MIB1: variants seen among roughly 807,000 people sequenced by gnomAD.
The protein encoded by MIB1 is MIB E3 ubiquitin protein ligase 1, also known as E3 ubiquitin-protein ligase MIB1.
MIB1 carries 278 observed loss-of-function variants against 124.5 expected under a neutral mutation model. The ratio of observed to expected loss-of-function variants is 2.23; its 90% CI spans 2.02 to 2.47. The LOEUF (loss-of-function observed/expected upper bound fraction) is 2.47, where lower values mean the gene tolerates loss of function less well. MIB1 is among the 30% of genes most tolerant of loss of function. MIB1 has a pLI of 0.00. For missense variants in MIB1, 957 were observed against 1,254.4 expected, an observed-to-expected ratio of 0.76 and a Z score of 3.58; for synonymous variants, 446 against 429.4, an observed-to-expected ratio of 1.04 and a Z score of -0.48.
At chr18:21,780,703 C>G (rs1035727030) in intron 6 of MIB1, among the ~76,000 whole-genome samples, 1 of 152,226 alleles carries the variant, frequency 6.6e-6, no homozygotes, top group African/African-American at 2.4e-5. Flanking sequence ...CTCCCCTGGC[C>G]TCCCAAAGTG....
chr18:21,729,983 A>G (rs1026517327), intron 1 of MIB1, among the ~76,000 whole-genome samples: 2 of 152,228 alleles, frequency 1.3e-5, no homozygotes, highest in Admixed American at 1.3e-4. Flanking sequence ...TGACTAAGGT[A>G]TCTTGATATA....
At chr18:21,765,385 A>T (rs2041145034) in intron 1 of MIB1, among the ~76,000 whole-genome samples, 1 of 152,084 alleles carries the variant, frequency 6.6e-6, no homozygotes, top group Non-Finnish European at 1.5e-5. Context: ...TTTCTTTTGG[A>T]GTAATTGTTT....
At chr18:21,755,434 C>T (rs1017197718) in intron 1 of MIB1, among the ~76,000 whole-genome samples, 6 of 151,574 alleles carry the variant, frequency 4.0e-5, no homozygotes, top group African/African-American at 1.5e-4. Context: ...CAGGTTCAAG[C>T]GATTGTCCTG....
rs2146521228 is a variant in MIB1, at chr18:21,858,654, T to C, written c.2880+8T>C. ...CAAGACATTAAAGAGCAGGTAATAATGATTTCATGTAAACAGTGATGCTGT... is the reference window on the plus strand; with the variant it reads ...CAAGACATTAAAGAGCAGGTAATAACGATTTCATGTAAACAGTGATGCTGT... On this transcript the variant is annotated splice_region_variant and intron_variant, in intron 20 of 20. Coordinates refer to ENST00000261537, the MANE Select transcript of MIB1 (RefSeq NM_020774.4). The C allele has an allele frequency of 1.4e-6, 2 of 1,402,012 alleles. No homozygotes were observed. Among genetic ancestry groups the C allele is most frequent in the Non-Finnish European group, 2.0e-6 (2 of 989,096 alleles). The allele number at this position is 1,402,012 out of a possible 1,614,324, so 86.8% of individuals were successfully genotyped here.
At chr18:21,743,596 A>G (rs1329662028) in intron 1 of MIB1, among the ~76,000 whole-genome samples, 5 of 151,768 alleles carry the variant, frequency 3.3e-5, no homozygotes, top group African/African-American at 7.3e-5. Context: ...AACTGCCAGC[A>G]ACAGTGTTTG....
rs1404000824 is a variant in MIB1 at position 21,815,725 on chromosome 18, G to A, written c.1589G>A (p.Arg530Gln). The change falls in exon 11 of 21, where the codon CGA becomes CAA. Residue 530 changes from arginine to glutamine, a missense_variant. By Grantham distance (43) the Arg-to-Gln change is conservative. Transcript: ENST00000261537. ...GATTTGAATGCTCGAAACAAGCGCCGACAGACACCACTTCATATTGCTGTC... is the reference window on the plus strand; with the variant it reads ...GATTTGAATGCTCGAAACAAGCGCCAACAGACACCACTTCATATTGCTGTC... ...SADLNARNKR[R>Q]QTPLHIAVNK... 5.6e-6 allele frequency: 9 copies of A among 1,614,058 alleles called. No homozygotes were observed. The highest frequency in any genetic ancestry group is 7.6e-6 in the Non-Finnish European group (9 of 1,179,996).
intron 20 of MIB1, among the ~76,000 whole-genome samples, chr18:21,859,908 A>G (rs1296688867): frequency 2.7e-5 from 4 of 148,880 alleles, no homozygotes; most frequent in Non-Finnish European, 4.5e-5. Flanking sequence ...AAAAAAAAAA[A>G]AAAGGAAAAA....
Position 21,765,862 on chromosome 18 carries a change from A to G in MIB1, c.320A>G (p.Asp107Gly). The G allele has an allele frequency of 1.9e-6, 3 of 1,614,172 alleles. No individual in the cohort carries two copies. Among genetic ancestry groups the G allele is most frequent in the Non-Finnish European group, 2.5e-6 (3 of 1,179,996 alleles). Reference sequence around the variant, plus strand: ...AAGTGTGCAGAGTGTACAAATTATGATTTGTGCACAGTGTGTTATCATGGA... The same window carrying G: ...AAGTGTGCAGAGTGTACAAATTATGGTTTGTGCACAGTGTGTTATCATGGA... ...RWKCAECTNY[D>G]LCTVCYHGDK... is the part of the protein sequence containing the mutation. The change falls in exon 2 of 21, where the codon GAT becomes GGT. Residue 107 changes from aspartate (D) to glycine (G), a missense_variant. Coordinates refer to ENST00000261537, the MANE Select transcript of MIB1 (RefSeq NM_020774.4).
At chr18:21,762,318 TTAACA>T (rs1325666560) in intron 1 of MIB1, among the ~76,000 whole-genome samples, 2 of 152,236 alleles carry the variant, frequency 1.3e-5, no homozygotes, top group African/African-American at 4.8e-5. Flanking sequence ...AGACAAAAAG[TTAACA>T]TAACCAGTGT....
At chr18:21,860,096 G>GTTTTTT (rs1568230537) in intron 20 of MIB1, among the ~76,000 whole-genome samples, 3 of 53,292 alleles carry the variant, frequency 5.6e-5, no homozygotes, top group African/African-American at 2.3e-4. Flanking sequence ...TGTTCTTTAT[G>GTTTTTT]TCTTTTTTTT....
At chr18:21,796,618 C>G (rs554263498) in intron 7 of MIB1, among the ~76,000 whole-genome samples, 24 of 152,308 alleles carry the variant, frequency 1.6e-4, no homozygotes, top group African/African-American at 5.8e-4. Context: ...TAGCTGTATT[C>G]ATGAAAATGC....
At chr18:21,729,386 C>T (rs924686272) in intron 1 of MIB1, among the ~76,000 whole-genome samples, 2 of 152,166 alleles carry the variant, frequency 1.3e-5, no homozygotes, top group East Asian at 3.9e-4. Context: ...AGACACCAGC[C>T]GACTTGATGT....
At chr18:21,860,477 T>TA (rs1375588482) in intron 20 of MIB1, among the ~76,000 whole-genome samples, 4 of 152,264 alleles carry the variant, frequency 2.6e-5, no homozygotes, top group South Asian at 2.1e-4. Context: ...AACAATAAGA[T>TA]AAAAAAATTA....
Position 21,799,701 on chromosome 18 carries a change from CT to C in MIB1, c.1238-138del, listed in dbSNP as rs2146454268. 3 of 820,580 alleles carry C rather than the reference CT, an allele frequency of 3.7e-6. No homozygotes were observed. In the South Asian group the frequency reaches 8.8e-5, roughly 24 times the overall value. 50.8% of individuals were successfully genotyped at this position (820,580 alleles called of 1,614,324 possible). A position where few individuals can be genotyped will look rare whatever the true frequency, so the allele number is the denominator to read the frequency against. ...CAGCTTTTTATAGTAGTGATTATAA[CT>C]TGCATGGGTAGAAAAATAACATTAA... On this transcript the variant is annotated intron_variant, in intron 8 of 20. Transcript: ENST00000261537.
chr18:21,793,412 G>C (rs1209381702), intron 7 of MIB1, among the ~76,000 whole-genome samples: 1 of 152,146 alleles, frequency 6.6e-6, no homozygotes, highest in Non-Finnish European at 1.5e-5. Context: ...AAATTTAGAA[G>C]GGATCATGGT....
chr18:21,781,795 T>G lies in MIB1; in HGVS notation c.908+2110T>G, dbSNP rs368862454. Among the ~76,000 whole-genome samples the G allele has an allele frequency of 4.7e-4, 71 of 152,246 alleles. 1 individual carries two copies. The South Asian group carries it at 8.9e-3, about 19-fold the overall frequency. ...TCTATTTCTTCTAGATTTTTCAATT[T>G]GTTGGTATATAGATGTTCATGATAT... On this transcript the variant is annotated intron_variant, in intron 6 of 20. Coordinates refer to ENST00000261537, the MANE Select transcript of MIB1 (RefSeq NM_020774.4).
chr18:21,810,424 A>C (rs988919655), intron 10 of MIB1, among the ~76,000 whole-genome samples: 11 of 152,074 alleles, frequency 7.2e-5, no homozygotes, highest in African/African-American at 2.7e-4. Context: ...AGAGAGCCCC[A>C]AACAGCCAAA....
intron 18 of MIB1, 116 bp downstream of exon 18, chr18:21,853,334 TG>T: frequency 1.4e-6 from 1 of 700,424 alleles, no homozygotes; most frequent in Non-Finnish European, 2.4e-6. Context: ...AAAAAGTTGA[TG>T]GGCCTCGAGT....
chr18:21,800,196 A>G (rs865969522), intron 9 of MIB1, among the ~76,000 whole-genome samples: 1 of 152,050 alleles, frequency 6.6e-6, no homozygotes, highest in Admixed American at 6.6e-5. Context: ...TATGATTTAC[A>G]CACTTACATT....
Sources: gnomAD v4.1 joint callset for allele counts (sites outside exome capture counted in the v4.1 genomes callset) on GRCh38, gnomAD v4.1.1 for gene constraint, MANE v1.5 for transcripts, NCBI Gene and HGNC (gene_info 2026-07-23, HGNC 2026-07-21) for gene names.